Variants in CAMSAP1 observed in about 807,000 individuals in gnomAD.
CAMSAP1 encodes the protein calmodulin-regulated spectrin-associated protein 1.
A neutral mutation model predicts 143.5 loss-of-function variants in CAMSAP1; 58 were observed. That is an observed-to-expected ratio of 0.40 (90% CI 0.33 to 0.50). The LOEUF (loss-of-function observed/expected upper bound fraction) is 0.50, where lower values mean the gene tolerates loss of function less well. Ranked by LOEUF, CAMSAP1 falls within the 20% of genes least tolerant of loss-of-function variation. CAMSAP1 has a pLI of 0.45. For missense variants in CAMSAP1, 1,969 were observed against 2,115.7 expected (o/e 0.93, Z 1.36); for synonymous variants, 945 against 859.3 (o/e 1.10, Z -1.74).
At chr9:135,854,693 A>T (rs1180995419) in intron 5 of CAMSAP1, among the ~76,000 whole-genome samples, 1 of 151,968 alleles carries the variant, frequency 6.6e-6, no homozygotes, top group Non-Finnish European at 1.5e-5. Flanking sequence ...GGCTCAAATG[A>T]TCCCCCCGCC....
intron 1 of CAMSAP1, among the ~76,000 whole-genome samples, chr9:135,906,557 C>CT (rs1324048354): frequency 6.6e-6 from 1 of 152,256 alleles, no homozygotes; most frequent in African/African-American, 2.4e-5. Context: ...CAGCTGACAG[C>CT]TTGTAAGCAT....
intron 3 of CAMSAP1, among the ~76,000 whole-genome samples, chr9:135,880,284 G>A (rs1352123536): frequency 1.3e-5 from 2 of 152,068 alleles, no homozygotes; most frequent in Non-Finnish European, 2.9e-5. Context: ...CCACATGCAC[G>A]CCGCCAGGTG....
intron 3 of CAMSAP1, among the ~76,000 whole-genome samples, chr9:135,870,667 C>T (rs1837540127): frequency 6.6e-6 from 1 of 152,118 alleles, no homozygotes; most frequent in Non-Finnish European, 1.5e-5. Context: ...CAGTACCACA[C>T]ACCTGTAATC....
chr9:135,827,467 A>G lies in CAMSAP1; in HGVS notation c.1163T>C (p.Val388Ala), dbSNP rs1203933187. ...AGTLAELQPP[V>A]QLPAEGCHRH... ...GTGACAGCCTTCCGCCGGCAGCTGC[A>G]CGGGGGGCTGCAGCTCAGCCAGGGT... Residue 388 changes from valine (V) to alanine (A), a missense_variant, in exon 8 of 17, where the codon GTG becomes GCG. Physicochemically the swap from Val to Ala is moderately conservative, Grantham distance 64. This residue lies in a region of CAMSAP1 where 1,390 missense variants were observed against 1,420.8 expected (regional missense o/e 0.98). Transcript: ENST00000389532. The G allele has an allele frequency of 1.9e-6, 3 of 1,608,930 alleles. No homozygotes were observed. The highest frequency in any genetic ancestry group is 2.2e-5 in the South Asian group (2 of 90,792).
chr9:135,868,092 T>C (rs1333577956), intron 3 of CAMSAP1, among the ~76,000 whole-genome samples: 1 of 151,800 alleles, frequency 6.6e-6, no homozygotes, highest in Non-Finnish European at 1.5e-5. Context: ...TCCAGCCGTA[T>C]ATTTGGAAAA....
At chr9:135,858,730 G>A (rs916972909) in intron 5 of CAMSAP1, among the ~76,000 whole-genome samples, 2 of 152,378 alleles carry the variant, frequency 1.3e-5, no homozygotes, top group South Asian at 4.1e-4. Context: ...AAGTCTGGAA[G>A]CCTCAGAGCC....
At chr9:135,840,114 A>C (rs190546247) in intron 7 of CAMSAP1, among the ~76,000 whole-genome samples, 38 of 152,310 alleles carry the variant, frequency 2.5e-4, no homozygotes, top group African/African-American at 7.5e-4. Flanking sequence ...AAGGGCCAGC[A>C]GTTCACTTTT....
intron 7 of CAMSAP1, among the ~76,000 whole-genome samples, chr9:135,841,126 G>C (rs1336529019): frequency 2.0e-5 from 3 of 152,194 alleles, no homozygotes; most frequent in Admixed American, 6.5e-5. Flanking sequence ...CAGCACAGTA[G>C]TCTGAAGTCG....
At chr9:135,846,091 AAACG>A (rs1836538451) in intron 7 of CAMSAP1, among the ~76,000 whole-genome samples, 1 of 142,420 alleles carries the variant, frequency 7.0e-6, no homozygotes, top group African/African-American at 2.6e-5. Flanking sequence ...AAAAAAAAAA[AAACG>A]AAGCTGGAGG....
chr9:135,876,330 A>T (rs1440977184), intron 3 of CAMSAP1, among the ~76,000 whole-genome samples: 1 of 152,228 alleles, frequency 6.6e-6, no homozygotes, highest in East Asian at 1.9e-4. Flanking sequence ...TGATACATAC[A>T]TCTGACAAGG....
At chr9:135,853,502 C>T (rs1049755050) in intron 5 of CAMSAP1, among the ~76,000 whole-genome samples, 2 of 152,168 alleles carry the variant, frequency 1.3e-5, no homozygotes, top group African/African-American at 4.8e-5. Flanking sequence ...ACTGGACTGG[C>T]GACAAGTTTT....
At chr9:135,840,938 G>C (rs886141312) in intron 7 of CAMSAP1, among the ~76,000 whole-genome samples, 1 of 152,176 alleles carries the variant, frequency 6.6e-6, no homozygotes, top group African/African-American at 2.4e-5. Context: ...GGCAGACACC[G>C]AGCTAGTTGC....
chr9:135,818,260 C>G lies in CAMSAP1; in HGVS notation c.4168+148G>C. 2 of 1,115,026 alleles carry G rather than the reference C, an allele frequency of 1.8e-6. No individual in the cohort carries two copies. The highest frequency in any genetic ancestry group is 2.4e-5 in the Admixed American group (1 of 42,366). 69.1% of individuals were successfully genotyped at this position (1,115,026 alleles called of 1,614,324 possible). On this transcript the variant is annotated intron_variant, in intron 13 of 16. Coordinates refer to ENST00000389532, the MANE Select transcript of CAMSAP1 (RefSeq NM_015447.4). This position sits in a 1 kb window ranked among gnomAD's most constrained non-coding sequence, Gnocchi z 7.7. ...CCGCACATCTCAGAGCATCTGGTCTCAACATTGTCATCCATGAAACGGGGA... is the reference window on the plus strand; with the variant it reads ...CCGCACATCTCAGAGCATCTGGTCTGAACATTGTCATCCATGAAACGGGGA...
chr9:135,875,182 C>T (rs1325683053), intron 3 of CAMSAP1, among the ~76,000 whole-genome samples: 1 of 151,648 alleles, frequency 6.6e-6, no homozygotes, highest in Non-Finnish European at 1.5e-5. Context: ...TAAGGGTAGG[C>T]ATGCAAAGGA....
chr9:135,849,356 C>T (rs1836689360), intron 7 of CAMSAP1, among the ~76,000 whole-genome samples: 1 of 152,174 alleles, frequency 6.6e-6, no homozygotes, highest in Non-Finnish European at 1.5e-5. Flanking sequence ...GCTTTTGCAC[C>T]ACGGTGAAGC....
intron 3 of CAMSAP1, 46 bp downstream of exon 3, chr9:135,881,587 G>T: frequency 1.3e-6 from 2 of 1,545,638 alleles, no homozygotes; most frequent in Non-Finnish European, 8.8e-7. Context: ...AAAGGAGACC[G>T]GCCACAGAAG....
rs369997906 is a variant in CAMSAP1 at position 135,820,806 on chromosome 9, G to A, written c.3822+33C>T. ...ATCACGTGGGGTGGCAACACATCAC[G>A]AGTGCCTGAAACAGATGCTACCAAT... On this transcript the variant is annotated intron_variant, in intron 11 of 16. Coordinates refer to ENST00000389532, the MANE Select transcript of CAMSAP1 (RefSeq NM_015447.4). This position sits in a 1 kb window ranked among gnomAD's most constrained non-coding sequence, Gnocchi z 4.4. 8 of 1,603,364 alleles carry A rather than the reference G, an allele frequency of 5.0e-6. No individual in the cohort carries two copies. The highest frequency in any genetic ancestry group is 3.4e-5 in the Admixed American group (2 of 59,226).
Position 135,818,439 on chromosome 9 carries a change from G to A in CAMSAP1, c.4137C>T (p.Cys1379=), listed in dbSNP as rs114035159. The change falls in exon 13 of 17, where the codon TGC becomes TGT. Residue 1379 remains cysteine (C), a synonymous_variant. Coordinates refer to ENST00000389532, the MANE Select transcript of CAMSAP1 (RefSeq NM_015447.4). This position sits in a 1 kb window ranked among gnomAD's most constrained non-coding sequence, Gnocchi z 7.7. ...AGGAGCACTTGGTGCCGGAGTCGCTGCACGACTCTTCCCGGTGCACCGACT... is the reference window on the plus strand; with the variant it reads ...AGGAGCACTTGGTGCCGGAGTCGCTACACGACTCTTCCCGGTGCACCGACT... The part of the protein sequence containing the change: ...RPKSVHREES[C]SDSGTKCSST... 1.1e-3 allele frequency: 1,730 copies of A among 1,596,404 alleles called. 15 individuals carry two copies. The African/African-American group carries it at 0.019, about 18-fold the overall frequency.
rs1388409067 is a variant in CAMSAP1 at position 135,808,577 on chromosome 9, G to A, written c.*2732C>T. The A allele has an allele frequency of 1.3e-5, 2 of 152,202 alleles. No homozygotes were observed. Among genetic ancestry groups the A allele is most frequent in the Non-Finnish European group, 2.9e-5 (2 of 68,036 alleles). The allele number at this position is 152,202 out of a possible 1,614,324, so 9.4% of individuals were successfully genotyped here. ...AGGGAGGTAAAAGTATAACCTAGAA[G>A]TAATTTAGAATTATTCCACTTTTCA... On this transcript the variant is annotated 3_prime_UTR_variant, in exon 17 of 17. Transcript: ENST00000389532.
Sources: allele counts gnomAD v4.1 joint callset (sites outside exome capture counted in the v4.1 genomes callset), GRCh38; gene constraint gnomAD v4.1.1; regional missense constraint gnomAD v4.1.1; non-coding constraint Gnocchi (gnomAD v3.1); transcripts MANE v1.5; gene names NCBI Gene and HGNC (gene_info 2026-07-23, HGNC 2026-07-21).